Variants in TCAIM observed in about 807,000 individuals in gnomAD.
TCAIM encodes the protein T-cell activation inhibitor, mitochondrial.
Under a neutral mutation model 58.6 loss-of-function variants are expected in TCAIM, and 36 were observed. The observed-to-expected ratio is 0.61, with a 90% CI of 0.47 to 0.81. The LOEUF (loss-of-function observed/expected upper bound fraction) is 0.81, where lower values mean the gene tolerates loss of function less well. Ranked by LOEUF, TCAIM falls within the 30% of genes least tolerant of loss-of-function variation. The pLI is 0.00. For missense variants in TCAIM, 466 were observed against 579.6 expected (o/e 0.80, Z 2.01); for synonymous variants, 172 against 193.6 (o/e 0.89, Z 0.93).
At chr3:44,344,941 C>T (rs1390226736) in intron 1 of TCAIM, among the ~76,000 whole-genome samples, 12 of 152,210 alleles carry the variant, frequency 7.9e-5, no homozygotes, top group Non-Finnish European at 2.9e-5. Flanking sequence ...AAGCAGGAAC[C>T]GGCCATTTTC....
At chr3:44,403,852 C>T (rs1702059421) in intron 10 of TCAIM, among the ~76,000 whole-genome samples, 1 of 152,096 alleles carries the variant, frequency 6.6e-6, no homozygotes, top group Admixed American at 6.6e-5. Flanking sequence ...GAGCCTCCAT[C>T]ATTTTGTGAT....
chr3:44,343,913 ATACTCTGTGAT>A (rs1691950087), intron 1 of TCAIM, among the ~76,000 whole-genome samples: 1 of 151,950 alleles, frequency 6.6e-6, no homozygotes, highest in Admixed American at 6.6e-5. Context: ...TAGTTTAGTT[ATACTCTGTGAT>A]TACAAAGCGA....
chr3:44,351,347 G>GT lies in TCAIM; in HGVS notation c.-44-3381dup, dbSNP rs1042201935. ...TGAGCCTCTGCATCTAGCCCCAAAT[G>GT]TTTTTTTTTTTCCTCATTGTATCTC... On this transcript the variant is annotated intron_variant, in intron 1 of 10. Transcript: ENST00000342649. Among the ~76,000 whole-genome samples, 1,453 of 146,172 alleles carry GT rather than the reference G, an allele frequency of 9.9e-3. 20 individuals are homozygous for GT. Among genetic ancestry groups the GT allele is most frequent in the African/African-American group, 0.032 (1,301 of 40,086 alleles).
At chr3:44,354,140 A>G (rs997708021) in intron 1 of TCAIM, among the ~76,000 whole-genome samples, 7 of 152,164 alleles carry the variant, frequency 4.6e-5, no homozygotes, top group Non-Finnish European at 2.9e-5. Context: ...ATGTGGATGT[A>G]CGATTGTTTT....
intron 5 of TCAIM, among the ~76,000 whole-genome samples, chr3:44,387,158 G>C (rs1701756718): frequency 6.6e-6 from 1 of 152,212 alleles, no homozygotes; most frequent in Admixed American, 6.5e-5. Context: ...CAGCCTGCCT[G>C]TGAAAAGGAG....
chr3:44,404,351 G>A (rs1310942927), intron 10 of TCAIM, among the ~76,000 whole-genome samples: 1 of 152,186 alleles, frequency 6.6e-6, no homozygotes, highest in Non-Finnish European at 1.5e-5. Flanking sequence ...GAAGACTTCA[G>A]TCTATTTTGT....
At chr3:44,347,220 C>G (rs1213184332) in intron 1 of TCAIM, among the ~76,000 whole-genome samples, 1 of 152,016 alleles carries the variant, frequency 6.6e-6, no homozygotes, top group African/African-American at 2.4e-5. Context: ...CACGAGATAT[C>G]CTTTTGATAA....
intron 1 of TCAIM, among the ~76,000 whole-genome samples, chr3:44,350,000 TC>T (rs1244207391): frequency 6.6e-6 from 1 of 151,460 alleles, no homozygotes; most frequent in Non-Finnish European, 1.5e-5. Context: ...CCAAGGGAGA[TC>T]CCCCGATCCG....
chr3:44,392,686 A>G (rs888300807), intron 5 of TCAIM, among the ~76,000 whole-genome samples, 169 bp from the exon 6 acceptor site: 4 of 152,212 alleles, frequency 2.6e-5, no homozygotes, highest in Non-Finnish European at 4.4e-5. Flanking sequence ...ATAGTATTCT[A>G]TGGTATATAT....
intron 5 of TCAIM, among the ~76,000 whole-genome samples, chr3:44,373,443 A>C (rs1701512063): frequency 6.6e-6 from 1 of 151,926 alleles, no homozygotes; most frequent in Non-Finnish European, 1.5e-5. Flanking sequence ...AGGTGGGCAG[A>C]TCACTTGATG....
chr3:44,372,891 G>A (rs1484770749), intron 5 of TCAIM, among the ~76,000 whole-genome samples: 1 of 152,076 alleles, frequency 6.6e-6, no homozygotes, highest in Non-Finnish European at 1.5e-5. Context: ...ACTGCACCCG[G>A]CCCAAAATTT....
At position 44,396,806 on chromosome 3, in the gene TCAIM, C is replaced by A. The variant is rs772551223; in HGVS notation, c.857C>A (p.Thr286Lys). The change falls in exon 8 of 11, where the codon ACA (threonine) becomes AAA (lysine). Residue 286 changes from threonine (T) to lysine (K), a missense_variant. By Grantham distance (78) the Thr-to-Lys change is moderately conservative (BLOSUM62 -1). Coordinates refer to ENST00000342649, the MANE Select transcript of TCAIM (RefSeq NM_173826.4). ...MSAVGHVMLG[T>K]MDVHHHWTKL... Reference sequence around the variant, plus strand: ...GCAGTGGGCCATGTGATGCTAGGAACAATGGATGTCCATCACCACTGGACA... The same window carrying A: ...GCAGTGGGCCATGTGATGCTAGGAAAAATGGATGTCCATCACCACTGGACA... The A allele has an allele frequency of 6.2e-7, 1 of 1,613,968 alleles. No homozygotes were observed. Among genetic ancestry groups the A allele is most frequent in the African/African-American group, 1.3e-5 (1 of 74,910 alleles).
At chr3:44,358,995 G>A (rs750708952) in intron 3 of TCAIM, 13 of 984,204 alleles carry the variant, frequency 1.3e-5, no homozygotes, top group Middle Eastern at 5.2e-4. Context: ...TCATTAACTC[G>A]GGGATGCATT....
At chr3:44,364,784 C>T (rs1017133138) in intron 4 of TCAIM, among the ~76,000 whole-genome samples, 3 of 151,742 alleles carry the variant, frequency 2.0e-5, no homozygotes, top group East Asian at 3.9e-4. Flanking sequence ...AGTATTCGAA[C>T]GCAAACTGAA....
At position 44,367,700 on chromosome 3, in the gene TCAIM, A is replaced by G. The variant is rs1235528753; in HGVS notation, c.564A>G (p.Thr188=). 6.2e-7 allele frequency: 1 copy of G among 1,606,942 alleles called. No homozygotes were observed. Among genetic ancestry groups the G allele is most frequent in the East Asian group, 2.2e-5 (1 of 44,710 alleles). ...TTGAACAAGTCTCGAGAGTGGAAAC[A>G]ACTCTCACGTATGTAAAAGTTTTTA... ...EDLEQVSRVE[T]TLTSWLDNNG... Residue 188 remains threonine (T), a synonymous_variant, in exon 5 of 11, where the codon ACA becomes ACG. Transcript: ENST00000342649.
chr3:44,342,788 C>T (rs1455623293), intron 1 of TCAIM, among the ~76,000 whole-genome samples: 2 of 150,950 alleles, frequency 1.3e-5, no homozygotes, highest in African/African-American at 4.9e-5. Context: ...GGGTAAAGTG[C>T]ATATATAAGT....
chr3:44,362,253 A>T (rs1701305849), intron 4 of TCAIM, among the ~76,000 whole-genome samples: 1 of 152,180 alleles, frequency 6.6e-6, no homozygotes. Context: ...TCAGAATTTG[A>T]TAGGTCTTTG....
At chr3:44,400,712 A>G (rs1345649996) in intron 9 of TCAIM, 125 bp downstream of exon 9, 4 of 812,546 alleles carry the variant, frequency 4.9e-6, no homozygotes, top group South Asian at 1.6e-5. Context: ...AAATGCCACT[A>G]CTTGTGTTAG....
intron 1 of TCAIM, among the ~76,000 whole-genome samples, chr3:44,354,087 T>C (rs1322325695): frequency 6.6e-6 from 1 of 152,230 alleles, no homozygotes; most frequent in Non-Finnish European, 1.5e-5. Context: ...TGAGTTAATT[T>C]TTGTGAACAA....
Sources: allele counts gnomAD v4.1 joint callset (sites outside exome capture counted in the v4.1 genomes callset), GRCh38; gene constraint gnomAD v4.1.1; transcripts MANE v1.5; gene names NCBI Gene and HGNC (gene_info 2026-07-23, HGNC 2026-07-21).